SH3GL1: variants seen among roughly 807,000 people sequenced by gnomAD.
The protein encoded by SH3GL1 is endophilin-A2.
SH3GL1 carries 21 observed loss-of-function variants against 48.8 expected under a neutral mutation model. The ratio of observed to expected loss-of-function variants is 0.43; its 90% confidence interval spans 0.30 to 0.62. The LOEUF (loss-of-function observed/expected upper bound fraction) is 0.62. Ranked by LOEUF, SH3GL1 falls within the 20% of genes least tolerant of loss-of-function variation. The pLI, the probability that SH3GL1 is intolerant of heterozygous loss-of-function variation, is 0.11. For missense variants in SH3GL1, 454 were observed against 503.0 expected (o/e 0.90, Z 0.93); for synonymous variants, 282 against 217.5 (o/e 1.30, Z -2.61).
At chr19:4,370,505 TGGGTG>T (rs1972877210) in intron 1 of SH3GL1, among the ~76,000 whole-genome samples, 1 of 151,964 alleles carries the variant, frequency 6.6e-6, no homozygotes, top group Non-Finnish European at 1.5e-5. Flanking sequence ...GGTGGCAGGG[TGGGTG>T]GGGGCCCCCT....
In SH3GL1 at chr19:4,363,759, C is replaced by A. The variant is rs1397621147; in HGVS notation, c.585G>T (p.Glu195Asp). ...GGTTGTGCATGCTGGTTTCTGCCAC[C>A]TCCTTGGACTCCTCGAACTTCTCCA... Reference protein sequence around the residue: ...QALEKFEESKEVAETSMHNLL... With the variant: ...QALEKFEESKDVAETSMHNLL... The change falls in exon 6 of 10, where the codon GAG becomes GAT. Residue 195 changes from glutamate to aspartate, a missense_variant. By Grantham distance (45) the Glu-to-Asp change is conservative. Transcript: ENST00000269886. The A allele has an allele frequency of 6.2e-7, 1 of 1,613,830 alleles. No individual in the cohort carries two copies. Among genetic ancestry groups the A allele is most frequent in the Non-Finnish European group, 8.5e-7 (1 of 1,180,040 alleles).
intron 1 of SH3GL1, among the ~76,000 whole-genome samples, chr19:4,374,748 C>A (rs1972972206): frequency 6.6e-6 from 1 of 152,192 alleles, no homozygotes; most frequent in African/African-American, 2.4e-5. Context: ...GGCCCCTGGG[C>A]CCCTGAGTCA....
At position 4,400,418 on chromosome 19, in the gene SH3GL1, T is replaced by G; in HGVS notation, c.-50A>C. ...CGCCCGGACCGCGCCAGCGACAGGC[T>G]CCCGGGCGCCGCCGACCCTCTGCGC... On this transcript the variant is annotated 5_prime_UTR_variant, in exon 1 of 10. Transcript: ENST00000269886. The surrounding 1 kb of genome is among the most constrained non-coding windows in gnomAD (Gnocchi z 4.1). 6.6e-7 allele frequency: 1 copy of G among 1,518,492 alleles called. No individual in the cohort carries two copies. The highest frequency in any genetic ancestry group is 2.1e-5 in the Admixed American group (1 of 48,436). The allele number at this position is 1,518,492 out of a possible 1,614,324, so 94.1% of individuals were successfully genotyped here. A position where few individuals can be genotyped will look rare whatever the true frequency, so the allele number is the denominator to read the frequency against.
chr19:4,364,866 TTGTGTGTG>T (rs373324973), intron 4 of SH3GL1, among the ~76,000 whole-genome samples: 26 of 97,128 alleles, frequency 2.7e-4, no homozygotes, highest in South Asian at 1.7e-3. Flanking sequence ...ACCCGGCTAA[TTGTGTGTG>T]TGTGTGTGTG....
chr19:4,365,343 G>A lies in SH3GL1; in HGVS notation c.331+139C>T, dbSNP rs796183761. The A allele has an allele frequency of 1.0e-5, 12 of 1,173,394 alleles. No homozygotes were observed. In the African/African-American group the frequency reaches 1.7e-4, roughly 16 times the overall value. The allele number at this position is 1,173,394 out of a possible 1,614,324, so 72.7% of individuals were successfully genotyped here. A position where few individuals can be genotyped will look rare whatever the true frequency, so the allele number is the denominator to read the frequency against. On this transcript the variant is annotated intron_variant, in intron 4 of 9. Coordinates refer to ENST00000269886, the MANE Select transcript of SH3GL1 (RefSeq NM_003025.4). ...GATGGGTTGGTCTGTGCAGTCTCCT[G>A]CACCTCTGCAGCTGGAAAGCTGTGG...
At chr19:4,373,101 C>T (rs1322038629) in intron 1 of SH3GL1, among the ~76,000 whole-genome samples, 1 of 141,892 alleles carries the variant, frequency 7.0e-6, no homozygotes, top group African/African-American at 2.7e-5. Context: ...GGGATGAGGC[C>T]AGGAGGGGGA....
intron 1 of SH3GL1, among the ~76,000 whole-genome samples, chr19:4,386,851 T>C (rs1024242640): frequency 2.0e-5 from 3 of 152,224 alleles, no homozygotes; most frequent in African/African-American, 4.8e-5. Context: ...GTGAGGCATT[T>C]CCCACAGCGT....
At position 4,361,171 on chromosome 19, in the gene SH3GL1, C is replaced by T. The variant is rs766215012; in HGVS notation, c.*429G>A. The T allele has an allele frequency of 9.5e-5, 26 of 274,602 alleles. No homozygotes were observed. The highest frequency in any genetic ancestry group is 1.8e-4 in the South Asian group (2 of 11,370). The allele number at this position is 274,602 out of a possible 1,614,324, so 17.0% of individuals were successfully genotyped here. On this transcript the variant is annotated 3_prime_UTR_variant, in exon 10 of 10. Transcript: ENST00000269886. Reference sequence around the variant, plus strand: ...CTCTGAGCCACCCCATGGGGACCCTCGATCCCATCCTGTTAAGGCTGCGGG... The same window carrying T: ...CTCTGAGCCACCCCATGGGGACCCTTGATCCCATCCTGTTAAGGCTGCGGG...
chr19:4,365,405 G>A, intron 4 of SH3GL1, 77 bp downstream of exon 4: 1 of 1,585,876 alleles, frequency 6.3e-7, no homozygotes, highest in Non-Finnish European at 8.6e-7. Flanking sequence ...GCACATGCAG[G>A]GCCTGGACCT....
intron 1 of SH3GL1, among the ~76,000 whole-genome samples, chr19:4,396,927 T>G (rs1326146694): frequency 6.6e-6 from 1 of 152,152 alleles, no homozygotes; most frequent in South Asian, 2.1e-4. Context: ...AAAGGGGGAA[T>G]GTTTTTTACC....
At position 4,361,180 on chromosome 19, in the gene SH3GL1, C is replaced by T. The variant is rs1389265072; in HGVS notation, c.*420G>A. On this transcript the variant is annotated 3_prime_UTR_variant, in exon 10 of 10. Transcript: ENST00000269886. ...ACCCCATGGGGACCCTCGATCCCAT[C>T]CTGTTAAGGCTGCGGGACTCGAGGG... 7.1e-6 allele frequency: 2 copies of T among 281,822 alleles called. No individual in the cohort carries two copies. Among genetic ancestry groups the T allele is most frequent in the Non-Finnish European group, 6.7e-6 (1 of 148,708 alleles). The allele number at this position is 281,822 out of a possible 1,614,324, so 17.5% of individuals were successfully genotyped here.
intron 1 of SH3GL1, among the ~76,000 whole-genome samples, chr19:4,368,787 G>C (rs566440169): frequency 9.2e-5 from 14 of 152,256 alleles, no homozygotes; most frequent in Middle Eastern, 3.4e-3. Context: ...AAATCCCCTC[G>C]TTGGCCGGGC....
chr19:4,377,683 C>T (rs1192800209), intron 1 of SH3GL1, among the ~76,000 whole-genome samples: 1 of 152,236 alleles, frequency 6.6e-6, no homozygotes, highest in Non-Finnish European at 1.5e-5. Context: ...CCTGCCCCCT[C>T]GCCAGGTCAC....
At chr19:4,382,035 C>T (rs1023040064) in intron 1 of SH3GL1, among the ~76,000 whole-genome samples, 1 of 152,082 alleles carries the variant, frequency 6.6e-6, no homozygotes, top group African/African-American at 2.4e-5. Context: ...TCACCCCGGG[C>T]TAAGATTGAG....
chr19:4,365,747 C>T (rs1972763442), intron 3 of SH3GL1, 122 bp from the exon 4 acceptor site: 1 of 1,373,432 alleles, frequency 7.3e-7, no homozygotes. Context: ...GCCTAGGCCA[C>T]ACAAAGCACA....
intron 1 of SH3GL1, among the ~76,000 whole-genome samples, chr19:4,374,652 C>A (rs1440822601): frequency 6.6e-6 from 1 of 152,238 alleles, no homozygotes; most frequent in Non-Finnish European, 1.5e-5. Flanking sequence ...CATTGAGAGG[C>A]TTGGCCTCTG....
At chr19:4,390,196 C>T (rs1054078456) in intron 1 of SH3GL1, 3 of 152,304 alleles carry the variant, frequency 2.0e-5, no homozygotes, top group African/African-American at 7.2e-5. Context: ...GCTCTCAGGG[C>T]CTGGTCAGCA....
intron 1 of SH3GL1, chr19:4,396,021 G>C (rs552259117): frequency 4.8e-4 from 73 of 152,122 alleles, no homozygotes; most frequent in African/African-American, 1.6e-3. Flanking sequence ...AAGAAGCCCA[G>C]ATACTGAAAG....
chr19:4,398,470 C>T (rs1973462157), intron 1 of SH3GL1, among the ~76,000 whole-genome samples: 1 of 151,848 alleles, frequency 6.6e-6, no homozygotes, highest in Admixed American at 6.6e-5. Flanking sequence ...GCAACCTCTG[C>T]CTGCCGGATT....
Sources: allele counts gnomAD v4.1 joint callset (sites outside exome capture counted in the v4.1 genomes callset), GRCh38; gene constraint gnomAD v4.1.1; non-coding constraint Gnocchi (gnomAD v3.1); transcripts MANE v1.5; gene names NCBI Gene and HGNC (gene_info 2026-07-23, HGNC 2026-07-21).